Variants in ASIP observed in about 807,000 individuals in gnomAD.
The protein encoded by ASIP is agouti-signaling protein.
Under a neutral mutation model 10.3 loss-of-function variants are expected in ASIP, and 11 were observed. The ratio of observed to expected loss-of-function variants is 1.07; its 90% CI spans 0.68 to 1.78. The LOEUF (loss-of-function observed/expected upper bound fraction) is 1.78. Among genes scored for constraint, ASIP ranks in the 40% most tolerant of loss-of-function variants. The pLI, the probability that ASIP is intolerant of heterozygous loss-of-function variation, is 0.00. For missense variants in ASIP, 180 were observed against 169.2 expected (o/e 1.06, Z -0.35); for synonymous variants, 70 against 70.8 (o/e 0.99, Z 0.06).
At chr20:34,251,275 CTT>C (rs541927648) in intron 1 of ASIP, among the ~76,000 whole-genome samples, 3 of 146,618 alleles carry the variant, frequency 2.0e-5, no homozygotes, top group Admixed American at 6.8e-5. Context: ...CTCTGTGTAA[CTT>C]TTTTTTTTTT....
At chr20:34,235,833 GAAAGA>G (rs1280833248) in intron 1 of ASIP, among the ~76,000 whole-genome samples, 91 of 63,124 alleles carry the variant, frequency 1.4e-3, no homozygotes, top group Non-Finnish European at 2.1e-3. Flanking sequence ...AAGAAAGAAA[GAAAGA>G]AAGAAGGAAG....
At chr20:34,258,905 T>C (rs916742851) in intron 1 of ASIP, among the ~76,000 whole-genome samples, 1 of 134,928 alleles carries the variant, frequency 7.4e-6, no homozygotes, top group Non-Finnish European at 1.5e-5. Context: ...ATAGTGTATA[T>C]ATATATACAC....
chr20:34,198,237 A>G (rs1384365695), intron 1 of ASIP, among the ~76,000 whole-genome samples: 1 of 151,838 alleles, frequency 6.6e-6, no homozygotes, highest in Admixed American at 6.6e-5. Context: ...CTACAGCTAC[A>G]TGCCACCACA....
At chr20:34,198,083 A>C (rs1205517171) in intron 1 of ASIP, among the ~76,000 whole-genome samples, 1 of 134,468 alleles carries the variant, frequency 7.4e-6, no homozygotes, top group Non-Finnish European at 1.5e-5. Context: ...TTTGAGACGG[A>C]GTCTCACTCT....
At chr20:34,214,734 G>T in intron 1 of ASIP, 1 of 1,173,746 alleles carries the variant, frequency 8.5e-7, no homozygotes, top group Non-Finnish European at 1.3e-6. Context: ...TTTTCATAAC[G>T]GCCAACATGA....
At chr20:34,256,147 CCT>C (rs558821578) in intron 1 of ASIP, among the ~76,000 whole-genome samples, 1 of 152,182 alleles carries the variant, frequency 6.6e-6, no homozygotes, top group Admixed American at 6.5e-5. Context: ...CATAAACTGT[CCT>C]CTCTCTCCGC....
intron 1 of ASIP, among the ~76,000 whole-genome samples, chr20:34,249,492 C>T (rs1316193817): frequency 6.6e-6 from 1 of 152,158 alleles, no homozygotes; most frequent in African/African-American, 2.4e-5. Flanking sequence ...GTCATATGAT[C>T]AGTGTCAACT....
intron 1 of ASIP, among the ~76,000 whole-genome samples, chr20:34,252,319 G>A (rs1014925352): frequency 2.0e-5 from 3 of 152,158 alleles, no homozygotes; most frequent in African/African-American, 4.8e-5. Flanking sequence ...TTTTAGTGAG[G>A]GGAGTGTAGC....
At chr20:34,258,696 CTATA>C (rs1172839433) in intron 1 of ASIP, among the ~76,000 whole-genome samples, 3 of 11,652 alleles carry the variant, frequency 2.6e-4, no homozygotes, top group Admixed American at 2.3e-3. Context: ...TATATACATA[CTATA>C]TATATATATT....
chr20:34,214,555 CA>C, intron 1 of ASIP: 1 of 1,490,448 alleles, frequency 6.7e-7, no homozygotes, highest in South Asian at 1.1e-5. Context: ...TGTAGTCTGC[CA>C]ATTCTGCAGT....
upstream of ASIP, among the ~76,000 whole-genome samples, chr20:34,191,177 C>T (rs2034822530): frequency 6.6e-6 from 1 of 152,174 alleles, no homozygotes; most frequent in Non-Finnish European, 1.5e-5. Context: ...GTGGAAATGT[C>T]ACATTTCTTT....
intron 1 of ASIP, among the ~76,000 whole-genome samples, chr20:34,255,709 C>T (rs547891826): frequency 6.6e-6 from 1 of 152,308 alleles, no homozygotes; most frequent in East Asian, 1.9e-4. Flanking sequence ...ACACGGTGAG[C>T]AAGTGACCAG....
intron 1 of ASIP, among the ~76,000 whole-genome samples, chr20:34,245,248 C>T (rs1324594887): frequency 2.0e-5 from 3 of 148,082 alleles, no homozygotes; most frequent in Non-Finnish European, 4.5e-5. Context: ...GCAGGAGAAT[C>T]GCTTGAACCT....
At chr20:34,266,724 G>A (rs756305233) in intron 3 of ASIP, among the ~76,000 whole-genome samples, 34 of 152,128 alleles carry the variant, frequency 2.2e-4, no homozygotes, top group Admixed American at 7.2e-4. Context: ...GTGTTAGAAA[G>A]GCACTAAGGA....
chr20:34,187,027 T>A, the ASIP span, among the ~76,000 whole-genome samples: 35 of 152,288 alleles, frequency 2.3e-4, no homozygotes, highest in Middle Eastern at 3.4e-3. Flanking sequence ...TTACCCAGGA[T>A]GGTCTCGATC....
chr20:34,192,521 CTT>C (rs35936399), upstream of ASIP, among the ~76,000 whole-genome samples: 4 of 141,728 alleles, frequency 2.8e-5, no homozygotes, highest in Admixed American at 7.1e-5. Flanking sequence ...TTTTCTTCTT[CTT>C]TTTTTTTTTT....
intron 1 of ASIP, among the ~76,000 whole-genome samples, chr20:34,257,402 ATT>A (rs2035592496): frequency 6.6e-6 from 1 of 152,124 alleles, no homozygotes; most frequent in African/African-American, 2.4e-5. Flanking sequence ...TTTATTTCTA[ATT>A]TGCCTTCCTA....
At chr20:34,220,112 C>G (rs977049136) in intron 1 of ASIP, among the ~76,000 whole-genome samples, 20 of 151,848 alleles carry the variant, frequency 1.3e-4, no homozygotes, top group African/African-American at 4.8e-4. Context: ...TGAACTTTAT[C>G]TTCCAAAGTT....
intron 3 of ASIP, among the ~76,000 whole-genome samples, chr20:34,266,516 T>C (rs1414846264): frequency 6.6e-6 from 1 of 151,480 alleles, no homozygotes; most frequent in Non-Finnish European, 1.5e-5. Context: ...CTACTAAAAA[T>C]ACAAAAATTA....
Sources: gnomAD v4.1 joint callset for allele counts (sites outside exome capture counted in the v4.1 genomes callset) on GRCh38, gnomAD v4.1.1 for gene constraint, MANE v1.5 for transcripts, NCBI Gene and HGNC (gene_info 2026-07-23, HGNC 2026-07-21) for gene names.